FBXL20: variants seen among roughly 807,000 people sequenced by gnomAD.
FBXL20 encodes the protein F-box and leucine rich repeat protein 20, also known as F-box/LRR-repeat protein 20.
In FBXL20, 11 loss-of-function variants were observed where a neutral mutation model predicts 64.0. The ratio of observed to expected loss-of-function variants is 0.17; its 90% CI spans 0.11 to 0.28. The LOEUF (loss-of-function observed/expected upper bound fraction) is 0.28, where lower values mean the gene tolerates loss of function less well. Ranked by LOEUF, FBXL20 falls within the 10% of genes least tolerant of loss-of-function variation. The probability of loss-of-function intolerance (pLI) is 1.00; values close to 1 mark genes in which losing one functional copy is unlikely to be tolerated. For synonymous variants in FBXL20, 184 were observed against 189.0 expected (o/e 0.97, Z 0.22); for missense variants, 303 against 526.2 (o/e 0.58, Z 4.15).
chr17:39,293,105 A>G (rs2047055363), intron 6 of FBXL20, among the ~76,000 whole-genome samples: 3 of 151,526 alleles, frequency 2.0e-5, no homozygotes, highest in Non-Finnish European at 4.4e-5. Flanking sequence ...CATGTCTTAC[A>G]ATTTTTGATT....
intron 2 of FBXL20, among the ~76,000 whole-genome samples, chr17:39,331,770 G>A (rs1391116517): frequency 1.3e-5 from 2 of 152,170 alleles, no homozygotes; most frequent in East Asian, 1.9e-4. Flanking sequence ...ATCCCACATA[G>A]AGAAACTCTC....
At chr17:39,288,749 C>T (rs923876029) in intron 6 of FBXL20, among the ~76,000 whole-genome samples, 1 of 151,742 alleles carries the variant, frequency 6.6e-6, no homozygotes, top group Admixed American at 6.6e-5. Context: ...TGCTTTGTCA[C>T]CCAGGCTGGA....
rs969606163 is a variant in FBXL20, at chr17:39,365,634, A to C, written c.43-22393T>G. Among the ~76,000 whole-genome samples the C allele has an allele frequency of 3.3e-5, 4 of 120,898 alleles. No homozygotes were observed. The East Asian group carries it at 8.9e-4, about 27-fold the overall frequency. 79.3% of individuals were successfully genotyped at this position (120,898 alleles called of 152,430 possible). On this transcript the variant is annotated intron_variant, in intron 1 of 14. Transcript: ENST00000264658. ...TGTCCACTACCAATTCACTGCTCTC[A>C]GTCCAAAAATAGAGCATCTACACAC...
In FBXL20 at chr17:39,315,813, G is replaced by A. The variant is rs558062095; in HGVS notation, c.105-12174C>T. ...AAGTGAAGAGGGGATCTTTGAGAGA[G>A]AGTGAGAGAGAGAGACAGAGAGAGA... On this transcript the variant is annotated intron_variant, in intron 2 of 14. Transcript: ENST00000264658. Among the ~76,000 whole-genome samples the A allele has an allele frequency of 1.6e-3, 208 of 132,974 alleles. 2 individuals carry two copies. The highest frequency in any genetic ancestry group is 6.7e-3 in the African/African-American group (197 of 29,430). The allele number at this position is 132,974 out of a possible 152,430, so 87.2% of individuals were successfully genotyped here. A position where few individuals can be genotyped will look rare whatever the true frequency, so the allele number is the denominator to read the frequency against.
At chr17:39,384,397 C>T (rs182921357) in intron 1 of FBXL20, among the ~76,000 whole-genome samples, 90 of 151,228 alleles carry the variant, frequency 6.0e-4, no homozygotes, top group Admixed American at 9.9e-4. Context: ...TGGTGGTGCG[C>T]GCCTGTAGTC....
At chr17:39,312,185 G>A (rs1238782580) in intron 2 of FBXL20, among the ~76,000 whole-genome samples, 2 of 152,178 alleles carry the variant, frequency 1.3e-5, no homozygotes, top group South Asian at 2.1e-4. Context: ...AGGAGGCCGA[G>A]GCAGGCGGAT....
Position 39,401,346 on chromosome 17 carries a change from C to A in FBXL20, c.42+15G>T, listed in dbSNP as rs187014145. On this transcript the variant is annotated intron_variant, in intron 1 of 14. Coordinates refer to ENST00000264658, the MANE Select transcript of FBXL20 (RefSeq NM_032875.3). ...CCCGCCCTCCTCACGCCGCCCGAGC[C>A]CCCCAAGCTCACACCTCAAACCTGC... 30,909 of 1,612,846 alleles carry A rather than the reference C, an allele frequency of 0.019. 678 individuals carry two copies. Among genetic ancestry groups the A allele is most frequent in the African/African-American group, 0.1 (7,851 of 74,946 alleles).
At position 39,275,191 on chromosome 17, in the gene FBXL20, A is replaced by G. The variant is rs1010745027; in HGVS notation, c.697-91T>C. The G allele has an allele frequency of 2.2e-6, 3 of 1,346,224 alleles. No homozygotes were observed. In the East Asian group the frequency reaches 7.5e-5, roughly 34 times the overall value. 83.4% of individuals were successfully genotyped at this position (1,346,224 alleles called of 1,614,324 possible). A position where few individuals can be genotyped will look rare whatever the true frequency, so the allele number is the denominator to read the frequency against. On this transcript the variant is annotated intron_variant, in intron 9 of 14. Transcript: ENST00000264658. Reference sequence around the variant, plus strand: ...TGATAGCTCTGTGAAAATAATCACCAAAAAGGAAATCAAGACATGCTTAAC... The same window carrying G: ...TGATAGCTCTGTGAAAATAATCACCGAAAAGGAAATCAAGACATGCTTAAC...
At chr17:39,324,734 T>C (rs2047394186) in intron 2 of FBXL20, among the ~76,000 whole-genome samples, 1 of 152,172 alleles carries the variant, frequency 6.6e-6, no homozygotes, top group Non-Finnish European at 1.5e-5. Flanking sequence ...AATTAAGTTG[T>C]GAAATGTATC....
At chr17:39,316,302 C>CACAG (rs142178947) in intron 2 of FBXL20, among the ~76,000 whole-genome samples, 12 of 151,904 alleles carry the variant, frequency 7.9e-5, no homozygotes, top group African/African-American at 2.9e-4. Flanking sequence ...TATACACACA[C>CACAG]ACACACACAC....
At chr17:39,357,054 C>A (rs955974230) in intron 1 of FBXL20, among the ~76,000 whole-genome samples, 1 of 151,112 alleles carries the variant, frequency 6.6e-6, no homozygotes, top group Non-Finnish European at 1.5e-5. Flanking sequence ...GCGGGTGGAT[C>A]ACCGAGGTTG....
intron 1 of FBXL20, among the ~76,000 whole-genome samples, chr17:39,379,157 C>T (rs1048640970): frequency 3.3e-5 from 5 of 149,400 alleles, no homozygotes; most frequent in Non-Finnish European, 5.9e-5. Flanking sequence ...ACCCAGGAGG[C>T]GGAGGTTGTG....
intron 1 of FBXL20, among the ~76,000 whole-genome samples, chr17:39,353,240 T>C (rs768073190): frequency 7.9e-5 from 12 of 152,198 alleles, no homozygotes; most frequent in East Asian, 1.9e-4. Context: ...TAGTAATACA[T>C]AGGCAGCTAA....
chr17:39,396,863 A>G (rs547744792), intron 1 of FBXL20, among the ~76,000 whole-genome samples: 23 of 151,474 alleles, frequency 1.5e-4, no homozygotes, highest in African/African-American at 5.3e-4. Flanking sequence ...AGGCTGCGGC[A>G]GGAGAATGGC....
intron 1 of FBXL20, among the ~76,000 whole-genome samples, chr17:39,398,785 C>T (rs2144692333): frequency 6.6e-6 from 1 of 152,202 alleles, no homozygotes; most frequent in Non-Finnish European, 1.5e-5. Flanking sequence ...AGTGATTCTC[C>T]TGCCTCAGCC....
rs2046731509 is a variant in FBXL20 at position 39,260,015 on chromosome 17, CAGAAAAGAGAGA to C, written c.*1433_*1444del. The C allele has an allele frequency of 7.1e-6, 1 of 141,348 alleles. No individual in the cohort carries two copies. The highest frequency in any genetic ancestry group is 2.7e-5 in the African/African-American group (1 of 37,376). 8.8% of individuals were successfully genotyped at this position (141,348 alleles called of 1,614,324 possible). ...AAAAAAAAAAAAAAAAAGACTGGGGCAGAAAAGAGAGATGACTGACAGGTTATGGGAAGGTTC... is the reference window on the plus strand; with the variant it reads ...AAAAAAAAAAAAAAAAAGACTGGGGCTGACTGACAGGTTATGGGAAGGTTC... On this transcript the variant is annotated 3_prime_UTR_variant, in exon 15 of 15. Coordinates refer to ENST00000264658, the MANE Select transcript of FBXL20 (RefSeq NM_032875.3).
intron 9 of FBXL20, among the ~76,000 whole-genome samples, chr17:39,279,676 G>C (rs980682194): frequency 5.3e-5 from 8 of 150,750 alleles, no homozygotes; most frequent in Admixed American, 5.3e-4. Context: ...CAGGTGGATT[G>C]CTTGAGCCCA....
At position 39,274,952 on chromosome 17, in the gene FBXL20, T is replaced by C; in HGVS notation, c.827+18A>G. On this transcript the variant is annotated intron_variant, in intron 10 of 14. Transcript: ENST00000264658. ...CTTTTGTTCTATGATTTTTTTGAGCTAAACAAGAAATGTTTACCTAAGCCG... is the reference window on the plus strand; with the variant it reads ...CTTTTGTTCTATGATTTTTTTGAGCCAAACAAGAAATGTTTACCTAAGCCG... 1 of 1,610,234 alleles carries C rather than the reference T, an allele frequency of 6.2e-7. No homozygotes were observed. The highest frequency in any genetic ancestry group is 8.5e-7 in the Non-Finnish European group (1 of 1,179,096).
At chr17:39,341,619 C>G (rs1017506117) in intron 2 of FBXL20, among the ~76,000 whole-genome samples, 1 of 152,140 alleles carries the variant, frequency 6.6e-6, no homozygotes, top group Non-Finnish European at 1.5e-5. Context: ...ACTCCTTCTC[C>G]CATATACTTC....
Sources: gnomAD v4.1 joint callset for allele counts (sites outside exome capture counted in the v4.1 genomes callset) on GRCh38, gnomAD v4.1.1 for gene constraint, MANE v1.5 for transcripts, NCBI Gene and HGNC (gene_info 2026-07-23, HGNC 2026-07-21) for gene names.